The following FERMT1 variants were observed in gnomAD, a reference collection of about 807,000 sequenced individuals.
FERMT1 encodes the protein fermitin family homolog 1.
In FERMT1, 60 loss-of-function variants were observed where a neutral mutation model predicts 85.3. That is an observed-to-expected ratio of 0.70 (90% CI 0.57 to 0.87). The LOEUF (loss-of-function observed/expected upper bound fraction) is 0.87. Among genes scored for constraint, FERMT1 ranks in the 40% least tolerant of loss-of-function variants. The pLI is 0.00. For synonymous variants in FERMT1, 275 were observed against 301.1 expected, an observed-to-expected ratio of 0.91 and a Z score of 0.90; for missense variants, 701 against 818.9, an observed-to-expected ratio of 0.86 and a Z score of 1.76.
intron 3 of FERMT1, 64 bp from the exon 4 acceptor site, chr20:6,112,687 G>T: frequency 1.7e-6 from 2 of 1,164,930 alleles, no homozygotes; most frequent in South Asian, 3.0e-5. Flanking sequence ...TAAGACTCAG[G>T]GTCATTTTGT....
At chr20:6,079,299 C>T (rs1981926859) in intron 14 of FERMT1, 137 bp downstream of exon 14, 3 of 962,572 alleles carry the variant, frequency 3.1e-6, no homozygotes, top group South Asian at 1.3e-5. Context: ...ATGATTTTAG[C>T]AGACAGACAG....
At chr20:6,112,209 C>A (rs147388460) in intron 4 of FERMT1, among the ~76,000 whole-genome samples, 1 of 152,052 alleles carries the variant, frequency 6.6e-6, no homozygotes, top group East Asian at 1.9e-4. Flanking sequence ...CTCTTTTATC[C>A]CAAATTTGTG....
chr20:6,096,350 C>A (rs1008869259), intron 8 of FERMT1, among the ~76,000 whole-genome samples: 1 of 152,038 alleles, frequency 6.6e-6, no homozygotes, highest in Non-Finnish European at 1.5e-5. Context: ...ATATGGCAAA[C>A]CTTGTCTCTA....
chr20:6,082,757 G>A (rs1348191213), intron 13 of FERMT1, among the ~76,000 whole-genome samples: 1 of 152,182 alleles, frequency 6.6e-6, no homozygotes, highest in African/African-American at 2.4e-5. Flanking sequence ...CCAGGTTCAA[G>A]TAATTCTAGT....
At chr20:6,112,782 G>A (rs1413410815) in intron 3 of FERMT1, among the ~76,000 whole-genome samples, 159 bp from the exon 4 acceptor site, 1 of 152,166 alleles carries the variant, frequency 6.6e-6, no homozygotes, top group African/African-American at 2.4e-5. Context: ...AGGGGAAAGG[G>A]GAACAGAGAC....
intron 9 of FERMT1, among the ~76,000 whole-genome samples, chr20:6,093,900 G>A (rs1982430965): frequency 6.6e-6 from 1 of 152,144 alleles, no homozygotes; most frequent in South Asian, 2.1e-4. Flanking sequence ...AGGTTGCAGT[G>A]AGCTGAGATC....
intron 14 of FERMT1, among the ~76,000 whole-genome samples, chr20:6,079,173 A>G (rs1359798199): frequency 3.9e-5 from 6 of 152,246 alleles, no homozygotes; most frequent in Admixed American, 2.0e-4. Context: ...GAAACTGCTC[A>G]GCGATTTCAG....
At chr20:6,077,546 G>A (rs1384822384) in intron 14 of FERMT1, among the ~76,000 whole-genome samples, 200 bp from the exon 15 acceptor site, 1 of 152,144 alleles carries the variant, frequency 6.6e-6, no homozygotes, top group Non-Finnish European at 1.5e-5. Flanking sequence ...CTCTGGTGGT[G>A]TCGACTTTGC....
intron 14 of FERMT1, among the ~76,000 whole-genome samples, 168 bp from the exon 15 acceptor site, chr20:6,077,514 A>C (rs547964591): frequency 6.6e-6 from 1 of 152,096 alleles, no homozygotes; most frequent in South Asian, 2.1e-4. Context: ...CTTCCAGAAA[A>C]CATCTTTGCT....
At position 6,075,119 on chromosome 20, in the gene FERMT1, C is replaced by T. The variant is rs1981777732; in HGVS notation, c.*2054G>A. 1 of 151,252 alleles carries T rather than the reference C, an allele frequency of 6.6e-6. No homozygotes were observed. Among genetic ancestry groups the T allele is most frequent in the Non-Finnish European group, 1.5e-5 (1 of 67,892 alleles). The allele number at this position is 151,252 out of a possible 1,614,324, so 9.4% of individuals were successfully genotyped here. ...GCTGTGTGTCATGGAAGAAACGCTC[C>T]CCTGAAAACTGTAACCAAACAAAGT... is the stretch of plus-strand genomic sequence containing the variant. On this transcript the variant is annotated 3_prime_UTR_variant, in exon 15 of 15. Coordinates refer to ENST00000217289, the MANE Select transcript of FERMT1 (RefSeq NM_017671.5).
chr20:6,119,455 A>G lies in FERMT1; in HGVS notation c.100T>C (p.Ser34Pro), dbSNP rs773695393. ...EQQKDVTLRV[S>P]GDLHVGGVML... is the part of the protein sequence containing the mutation. The stretch of plus-strand genomic sequence containing the variant: ...ACTCCTCCAACATGAAGGTCTCCAG[A>G]TACTCTCAGTGTGACGTCTTTCTGC... Residue 34 changes from serine (S) to proline (P), a missense_variant, in exon 2 of 15, where the codon TCT becomes CCT. Ser to Pro is a moderately conservative substitution (Grantham distance 74, BLOSUM62 -1). Coordinates refer to ENST00000217289, the MANE Select transcript of FERMT1 (RefSeq NM_017671.5). 4 of 1,614,028 alleles carry G rather than the reference A, an allele frequency of 2.5e-6. No individual in the cohort carries two copies. Among genetic ancestry groups the G allele is most frequent in the Non-Finnish European group, 3.4e-6 (4 of 1,179,976 alleles).
chr20:6,120,916 G>C (rs931496094), intron 1 of FERMT1, among the ~76,000 whole-genome samples: 1 of 152,274 alleles, frequency 6.6e-6, no homozygotes, highest in South Asian at 2.1e-4. Flanking sequence ...GGTAATATCC[G>C]AGGAACATTA....
chr20:6,116,659 G>A (rs1264760250), intron 2 of FERMT1, among the ~76,000 whole-genome samples: 1 of 150,898 alleles, frequency 6.6e-6, no homozygotes. Flanking sequence ...AACCCGGGAA[G>A]TGGAGATTGT....
At chr20:6,090,764 C>T (rs1982334001) in intron 9 of FERMT1, among the ~76,000 whole-genome samples, 1 of 151,704 alleles carries the variant, frequency 6.6e-6, no homozygotes, top group South Asian at 2.1e-4. Flanking sequence ...CAGCAAAACC[C>T]CCTCAGTGTA....
intron 9 of FERMT1, among the ~76,000 whole-genome samples, chr20:6,093,754 C>T (rs1982427247): frequency 6.6e-6 from 1 of 152,170 alleles, no homozygotes. Context: ...GTCAGGAGTT[C>T]AAAACCAGCC....
In FERMT1 at chr20:6,104,513, C is replaced by T. The variant is rs1177266812; in HGVS notation, c.849+3019G>A. ...ATTTTGAGAGAGGGGGAAGGGAATA[C>T]TGCCATAAGTACTAAAGTGGTTGAG... On this transcript the variant is annotated intron_variant, in intron 6 of 14. Transcript: ENST00000217289. The surrounding 1 kb of genome is among the most constrained non-coding windows in gnomAD (Gnocchi z 4.2). Among the ~76,000 whole-genome samples, 4 of 152,326 alleles carry T rather than the reference C, an allele frequency of 2.6e-5. No homozygotes were observed. The South Asian group carries it at 8.3e-4, about 32-fold the overall frequency.
chr20:6,110,205 C>A lies in FERMT1; in HGVS notation c.746+93G>T, dbSNP rs1310831340. 6 of 1,112,890 alleles carry A rather than the reference C, an allele frequency of 5.4e-6. No individual in the cohort carries two copies. In the South Asian group the frequency reaches 7.9e-5, roughly 15 times the overall value. The allele number at this position is 1,112,890 out of a possible 1,614,324, so 68.9% of individuals were successfully genotyped here. A position where few individuals can be genotyped will look rare whatever the true frequency, so the allele number is the denominator to read the frequency against. Reference sequence around the variant, plus strand: ...AACTTTTGCAAATAAAGCACAATCCCTAGGCCTACCAACTTGAAAATGAAA... The same window carrying A: ...AACTTTTGCAAATAAAGCACAATCCATAGGCCTACCAACTTGAAAATGAAA... On this transcript the variant is annotated intron_variant, in intron 5 of 14. Coordinates refer to ENST00000217289, the MANE Select transcript of FERMT1 (RefSeq NM_017671.5).
intron 14 of FERMT1, among the ~76,000 whole-genome samples, chr20:6,078,632 C>T (rs1981898572): frequency 1.5e-5 from 2 of 130,624 alleles, no homozygotes; most frequent in Admixed American, 8.4e-5. Flanking sequence ...GCTAGTTCAG[C>T]GTTTTTTTTT....
chr20:6,115,346 C>T (rs1270010267), intron 3 of FERMT1, among the ~76,000 whole-genome samples: 1 of 152,140 alleles, frequency 6.6e-6, no homozygotes, highest in African/African-American at 2.4e-5. Flanking sequence ...TCTGCTTAAT[C>T]ACTTCATAAG....
Sources: gnomAD v4.1 joint callset for allele counts (sites outside exome capture counted in the v4.1 genomes callset) on GRCh38, gnomAD v4.1.1 for gene constraint, Gnocchi (gnomAD v3.1) non-coding constraint, MANE v1.5 for transcripts, NCBI Gene and HGNC (gene_info 2026-07-23, HGNC 2026-07-21) for gene names.